ASIC2: variants seen among roughly 807,000 people sequenced by gnomAD.
ASIC2 encodes the protein acid-sensing ion channel 2.
Under a neutral mutation model 57.3 loss-of-function variants are expected in ASIC2, and 25 were observed. The observed-to-expected ratio is 0.44, with a 90% confidence interval of 0.32 to 0.61. The LOEUF is 0.61. Ranked by LOEUF, ASIC2 falls within the 20% of genes least tolerant of loss-of-function variation. ASIC2 has a pLI of 0.06. For synonymous variants in ASIC2, 319 were observed against 307.5 expected (o/e 1.04, Z -0.39); for missense variants, 641 against 738.1 (o/e 0.87, Z 1.52).
chr17:33,358,280 C>T lies in ASIC2; in HGVS notation c.556-246213G>A, dbSNP rs757430191. 1.2e-4 allele frequency among the ~76,000 whole-genome samples: 19 copies of T among 152,252 alleles called. No individual in the cohort carries two copies. The East Asian group carries it at 1.7e-3, about 14-fold the overall frequency. ...GGCAGAAGAATAGTTGAGTCAGAGA[C>T]GATATGGTCTGCGGAGTCTAAAATA... On this transcript the variant is annotated intron_variant, in intron 1 of 9. Transcript: ENST00000359872.
chr17:33,232,247 G>C (rs192808498), intron 1 of ASIC2, among the ~76,000 whole-genome samples: 4 of 152,258 alleles, frequency 2.6e-5, no homozygotes, highest in Non-Finnish European at 5.9e-5. Flanking sequence ...ACAGTGAGAA[G>C]GAGGCCCTCT....
intron 1 of ASIC2, among the ~76,000 whole-genome samples, chr17:33,398,940 T>C (rs1910180805): frequency 6.6e-6 from 1 of 152,158 alleles, no homozygotes; most frequent in South Asian, 2.1e-4. Context: ...TTCTGGGAAT[T>C]TGGGAGTCAT....
At chr17:33,613,112 T>C (rs1905466569) in intron 1 of ASIC2, among the ~76,000 whole-genome samples, 1 of 152,108 alleles carries the variant, frequency 6.6e-6, no homozygotes, top group Non-Finnish European at 1.5e-5. Context: ...TGACAGTCAC[T>C]AGTGTGCGAA....
At chr17:33,409,994 C>A (rs984539640) in intron 1 of ASIC2, among the ~76,000 whole-genome samples, 2 of 152,160 alleles carry the variant, frequency 1.3e-5, no homozygotes, top group Non-Finnish European at 2.9e-5. Flanking sequence ...TCAGCAGGAC[C>A]GTGTCTGTTC....
chr17:33,569,104 T>A (rs1233132520), intron 1 of ASIC2: 1 of 152,300 alleles, frequency 6.6e-6, no homozygotes, highest in African/African-American at 2.4e-5. Context: ...CAGTTATACA[T>A]AGCCTGTTTG....
rs972433069 is a variant in ASIC2 at position 33,292,869 on chromosome 17, C to G, written c.-754G>C. 1 of 985,504 alleles carries G rather than the reference C, an allele frequency of 1.0e-6. No homozygotes were observed. The highest frequency in any genetic ancestry group is 1.1e-4 in the East Asian group (1 of 8,794). 61.0% of individuals were successfully genotyped at this position (985,504 alleles called of 1,614,324 possible). ...CTGCGCCTAAGTCCTGCCAGGCGCC[C>G]GCTCTCGCCTGGGGCTGAGAGCTTC... is the stretch of plus-strand genomic sequence containing the variant. On this transcript the variant is annotated 5_prime_UTR_variant, in exon 1 of 10. Coordinates refer to ENST00000225823, the MANE Select transcript of ASIC2 (RefSeq NM_183377.2).
intron 1 of ASIC2, among the ~76,000 whole-genome samples, chr17:33,873,264 A>G (rs1258121558): frequency 6.6e-6 from 1 of 152,228 alleles, no homozygotes; most frequent in Non-Finnish European, 1.5e-5. Context: ...ACAGAACAGT[A>G]TGATGAGGAG....
chr17:34,029,406 A>T (rs1164381092), intron 1 of ASIC2, among the ~76,000 whole-genome samples: 1 of 151,792 alleles, frequency 6.6e-6, no homozygotes, highest in Non-Finnish European at 1.5e-5. Context: ...AGTAAAATTT[A>T]AAAAAAGACT....
At chr17:34,120,802 C>T (rs1160046396) in intron 1 of ASIC2, among the ~76,000 whole-genome samples, 1 of 143,390 alleles carries the variant, frequency 7.0e-6, no homozygotes, top group Admixed American at 7.2e-5. Context: ...ACAATGGCAC[C>T]ATCTCGGCTC....
At chr17:33,370,420 T>C (rs1490432140) in intron 1 of ASIC2, among the ~76,000 whole-genome samples, 1 of 152,212 alleles carries the variant, frequency 6.6e-6, no homozygotes, top group African/African-American at 2.4e-5. Flanking sequence ...ATTCTGCCTA[T>C]GGAGAATCAA....
chr17:33,024,496 G>A (rs1308162989), intron 5 of ASIC2, among the ~76,000 whole-genome samples: 1 of 152,142 alleles, frequency 6.6e-6, no homozygotes, highest in African/African-American at 2.4e-5. Context: ...TCTTTCCCTG[G>A]AGGCAACTCC....
chr17:34,095,353 C>T (rs1461831027), intron 1 of ASIC2, among the ~76,000 whole-genome samples: 1 of 152,036 alleles, frequency 6.6e-6, no homozygotes, highest in Non-Finnish European at 1.5e-5. Context: ...AGGTATAAAG[C>T]TGGCAGTGCC....
chr17:33,386,137 A>G (rs1050197860), intron 1 of ASIC2, among the ~76,000 whole-genome samples: 9 of 152,044 alleles, frequency 5.9e-5, no homozygotes, highest in Non-Finnish European at 1.2e-4. Flanking sequence ...ACTGAAACAA[A>G]TTCTTTTCCC....
At chr17:33,257,058 T>C (rs908132471) in intron 1 of ASIC2, among the ~76,000 whole-genome samples, 1 of 152,148 alleles carries the variant, frequency 6.6e-6, no homozygotes, top group African/African-American at 2.4e-5. Flanking sequence ...ATCCCACAAA[T>C]GTGCTACCTC....
At chr17:33,041,243 T>G (rs958729950) in intron 3 of ASIC2, among the ~76,000 whole-genome samples, 1 of 152,206 alleles carries the variant, frequency 6.6e-6, no homozygotes, top group Non-Finnish European at 1.5e-5. Context: ...TTGCAACTCC[T>G]AGGACTTCCT....
intron 1 of ASIC2, among the ~76,000 whole-genome samples, chr17:33,508,850 A>C (rs2141947371): frequency 6.6e-6 from 1 of 152,258 alleles, no homozygotes; most frequent in Non-Finnish European, 1.5e-5. Context: ...CTCCAGAAAA[A>C]GCCCTGTCAA....
chr17:33,680,460 G>A (rs1372662174), intron 1 of ASIC2: 2 of 152,054 alleles, frequency 1.3e-5, no homozygotes, highest in Non-Finnish European at 2.9e-5. Flanking sequence ...CCAGGGAGGA[G>A]CAGAGGGCAG....
intron 1 of ASIC2, among the ~76,000 whole-genome samples, chr17:33,481,273 A>T (rs1195351485): frequency 6.6e-6 from 1 of 151,642 alleles, no homozygotes; most frequent in Non-Finnish European, 1.5e-5. Context: ...ACGCGTGCTT[A>T]CTCTTCATAG....
intron 1 of ASIC2, among the ~76,000 whole-genome samples, chr17:33,237,551 T>C (rs1262645616): frequency 6.6e-6 from 1 of 152,066 alleles, no homozygotes; most frequent in Non-Finnish European, 1.5e-5. Context: ...GGTTTCTCCA[T>C]GTTGGTCAGG....
Sources: allele counts gnomAD v4.1 joint callset (sites outside exome capture counted in the v4.1 genomes callset), GRCh38; gene constraint gnomAD v4.1.1; transcripts MANE v1.5; gene names NCBI Gene and HGNC (gene_info 2026-07-23, HGNC 2026-07-21).